Variants in PACRG observed in about 807,000 individuals in gnomAD.
PACRG encodes parkin coregulated.
In PACRG, 29 loss-of-function variants were observed where a neutral mutation model predicts 29.7. That is an observed-to-expected ratio of 0.98 (90% CI 0.73 to 1.33). The LOEUF is 1.33. PACRG is among the 40% of genes most tolerant of loss of function. PACRG has a pLI of 0.00. For synonymous variants in PACRG, 116 were observed against 118.7 expected (o/e 0.98, Z 0.15); for missense variants, 279 against 316.2 (o/e 0.88, Z 0.89).
chr6:162,791,437 A>G (rs1784939901), intron 1 of PACRG, among the ~76,000 whole-genome samples: 2 of 151,496 alleles, frequency 1.3e-5, no homozygotes, highest in Admixed American at 6.6e-5. Flanking sequence ...AAAATATGTC[A>G]GAACAATGGC....
chr6:163,234,921 T>C (rs542608676), intron 4 of PACRG, among the ~76,000 whole-genome samples: 1 of 152,292 alleles, frequency 6.6e-6, no homozygotes, highest in South Asian at 2.1e-4. Context: ...AAAGTTGATT[T>C]TGACGAAGGA....
intron 1 of PACRG, among the ~76,000 whole-genome samples, chr6:162,770,834 T>C (rs941400022): frequency 5.3e-5 from 8 of 152,216 alleles, no homozygotes; most frequent in Non-Finnish European, 8.8e-5. Context: ...AATGTAAAGA[T>C]GTGACTGCAT....
At chr6:162,879,294 T>C (rs1793632294) in intron 2 of PACRG, among the ~76,000 whole-genome samples, 2 of 152,320 alleles carry the variant, frequency 1.3e-5, no homozygotes, top group South Asian at 2.1e-4. Context: ...AGGGAAAAAA[T>C]AGCACAAAAG....
intron 1 of PACRG, among the ~76,000 whole-genome samples, chr6:162,779,967 C>T (rs1164052686): frequency 6.6e-6 from 1 of 152,174 alleles, no homozygotes; most frequent in Non-Finnish European, 1.5e-5. Context: ...CTAGCTGTCT[C>T]CTTGAGTTCA....
intron 4 of PACRG, among the ~76,000 whole-genome samples, chr6:163,189,195 G>A (rs761150496): frequency 3.3e-5 from 5 of 152,222 alleles, no homozygotes; most frequent in African/African-American, 4.8e-5. Flanking sequence ...TAAGTTCTAC[G>A]TATAACATAG....
intron 4 of PACRG, among the ~76,000 whole-genome samples, chr6:163,099,659 C>A (rs779022758): frequency 1.3e-5 from 2 of 152,170 alleles, no homozygotes; most frequent in Non-Finnish European, 2.9e-5. Context: ...TTAAAGGTCT[C>A]TTTGTGGACA....
At chr6:163,136,088 G>T in intron 4 of PACRG, among the ~76,000 whole-genome samples, 1 of 152,140 alleles carries the variant, frequency 6.6e-6, no homozygotes, top group South Asian at 2.1e-4. Context: ...ACAAAAATAA[G>T]ATTCTAAGTT....
intron 4 of PACRG, among the ~76,000 whole-genome samples, chr6:163,185,920 C>T (rs957232757): frequency 6.6e-6 from 1 of 152,140 alleles, no homozygotes; most frequent in African/African-American, 2.4e-5. Flanking sequence ...GCTGACCCCA[C>T]CCCCATCTAC....
chr6:163,167,566 A>G (rs1778870298), intron 4 of PACRG, among the ~76,000 whole-genome samples: 1 of 152,216 alleles, frequency 6.6e-6, no homozygotes, highest in Admixed American at 6.5e-5. Context: ...AATAATATTC[A>G]TATCAAAATT....
At position 162,966,588 on chromosome 6, in the gene PACRG, T is replaced by A. The variant is rs963656728; in HGVS notation, c.292-95562T>A. 4.6e-5 allele frequency among the ~76,000 whole-genome samples: 7 copies of A among 151,708 alleles called. 1 individual carries two copies. Among genetic ancestry groups the A allele is most frequent in the African/African-American group, 1.7e-4 (7 of 41,232 alleles). ...GCCTCCCGGGTTCATGCCATTCTCC[T>A]GCCTCAGTCTCATGAGCAGCTGGGA... On this transcript the variant is annotated intron_variant, in intron 2 of 4. Transcript: ENST00000366888.
rs115809133 is a variant in PACRG, at chr6:163,168,589, C to T, written c.613+79181C>T. Among the ~76,000 whole-genome samples the T allele has an allele frequency of 8.2e-3, 1,247 of 151,888 alleles. 15 individuals are homozygous for T. The highest frequency in any genetic ancestry group is 0.029 in the African/African-American group (1,208 of 41,374). On this transcript the variant is annotated intron_variant, in intron 4 of 4. Coordinates refer to ENST00000366888, the MANE Select transcript of PACRG (RefSeq NM_001080379.2). ...CAACAAGAACTCTGAAAATGACTTT[C>T]ACCATAATTAGTTGAAAATGTTACT... is the stretch of plus-strand genomic sequence containing the variant.
chr6:162,992,325 C>T (rs1803508695), intron 2 of PACRG, among the ~76,000 whole-genome samples: 1 of 108,084 alleles, frequency 9.3e-6, no homozygotes, highest in African/African-American at 4.4e-5. Context: ...GTACCAGTTC[C>T]TCCTTGTACC....
chr6:162,894,728 T>C (rs947345448), intron 2 of PACRG, among the ~76,000 whole-genome samples: 1 of 152,236 alleles, frequency 6.6e-6, no homozygotes, highest in Non-Finnish European at 1.5e-5. Context: ...TTTGGAACTC[T>C]TTCTGTTCAT....
At chr6:162,788,031 G>T (rs1046651014) in intron 1 of PACRG, among the ~76,000 whole-genome samples, 1 of 152,026 alleles carries the variant, frequency 6.6e-6, no homozygotes, top group South Asian at 2.1e-4. Context: ...ACACATCATT[G>T]TCCACCATGT....
chr6:162,837,482 T>A (rs1403279537), intron 2 of PACRG, among the ~76,000 whole-genome samples: 17 of 152,108 alleles, frequency 1.1e-4, no homozygotes, highest in Non-Finnish European at 2.9e-5. Context: ...AAGGGTGAAT[T>A]CACAATGTTA....
chr6:162,919,791 AT>A (rs1365750928), intron 2 of PACRG, among the ~76,000 whole-genome samples: 9 of 152,244 alleles, frequency 5.9e-5, no homozygotes, highest in African/African-American at 2.2e-4. Context: ...ACTCATTAAA[AT>A]TCATTTAAAA....
chr6:162,868,080 G>T (rs1248065999), intron 2 of PACRG, among the ~76,000 whole-genome samples: 1 of 152,130 alleles, frequency 6.6e-6, no homozygotes, highest in East Asian at 1.9e-4. Flanking sequence ...TTTTAAGCTG[G>T]ATCTCTCACT....
intron 4 of PACRG, among the ~76,000 whole-genome samples, chr6:163,148,553 A>G (rs1349364743): frequency 1.3e-5 from 2 of 152,122 alleles, no homozygotes; most frequent in East Asian, 3.9e-4. Flanking sequence ...GGACAATGGC[A>G]TCTCAACATC....
At chr6:163,063,921 G>A (rs1299010576) in intron 3 of PACRG, among the ~76,000 whole-genome samples, 1 of 152,146 alleles carries the variant, frequency 6.6e-6, no homozygotes, top group Non-Finnish European at 1.5e-5. Context: ...TCTTCTCTCA[G>A]ATGGGTCACA....
Sources: gnomAD v4.1 joint callset for allele counts (sites outside exome capture counted in the v4.1 genomes callset) on GRCh38, gnomAD v4.1.1 for gene constraint, MANE v1.5 for transcripts, NCBI Gene and HGNC (gene_info 2026-07-23, HGNC 2026-07-21) for gene names.